The following NRG3 variants were observed in gnomAD, a reference collection of about 807,000 sequenced individuals.
The protein encoded by NRG3 is pro-neuregulin-3, membrane-bound isoform.
NRG3 carries 31 observed loss-of-function variants against 66.9 expected under a neutral mutation model. The ratio of observed to expected loss-of-function variants is 0.46; its 90% CI spans 0.35 to 0.63. NRG3 has a LOEUF of 0.63. Ranked by LOEUF, NRG3 falls within the 20% of genes least tolerant of loss-of-function variation. The probability of loss-of-function intolerance (pLI) is 0.00; values close to 1 mark genes in which losing one functional copy is unlikely to be tolerated. For missense variants in NRG3, 910 were observed against 878.9 expected, an observed-to-expected ratio of 1.04 and a Z score of -0.45; for synonymous variants, 393 against 359.4, an observed-to-expected ratio of 1.09 and a Z score of -1.06.
chr10:82,437,205 C>T (rs759035894), intron 2 of NRG3, among the ~76,000 whole-genome samples: 4 of 151,988 alleles, frequency 2.6e-5, no homozygotes, highest in Non-Finnish European at 5.9e-5. Flanking sequence ...TTCACATAGT[C>T]CCATATTTCT....
intron 3 of NRG3, among the ~76,000 whole-genome samples, chr10:82,790,944 AATT>A (rs1230977812): frequency 7.9e-5 from 12 of 151,602 alleles, no homozygotes; most frequent in Admixed American, 6.6e-4. Flanking sequence ...ATTTCTATAT[AATT>A]ATTAATATTC....
intron 8 of NRG3, chr10:82,984,657 G>T: frequency 2.2e-6 from 2 of 926,084 alleles, no homozygotes; most frequent in South Asian, 1.7e-5. Context: ...CAAGTCTACT[G>T]GACTAACCCA....
At chr10:82,038,227 A>G (rs2062878237) in intron 1 of NRG3, among the ~76,000 whole-genome samples, 1 of 152,164 alleles carries the variant, frequency 6.6e-6, no homozygotes, top group African/African-American at 2.4e-5. Context: ...TGAAAAATGT[A>G]AACCAAGCTT....
rs367579966 is a variant in NRG3 at position 82,460,753 on chromosome 10, G to T, written c.953+101885G>T. On this transcript the variant is annotated intron_variant, in intron 2 of 8. Coordinates refer to ENST00000372141, the MANE Select transcript of NRG3 (RefSeq NM_001010848.4). ...GCAGGGGGCCTGTTCTCAGGGGTCT[G>T]CAGTCCCTGTGTGACCCTGCTAGAG... Among the ~76,000 whole-genome samples the T allele has an allele frequency of 4.6e-5, 7 of 152,280 alleles. No individual in the cohort carries two copies. In the East Asian group the frequency reaches 1.4e-3, roughly 30 times the overall value.
chr10:82,159,771 G>A (rs2071443328), intron 1 of NRG3, among the ~76,000 whole-genome samples: 1 of 151,930 alleles, frequency 6.6e-6, no homozygotes, highest in Admixed American at 6.6e-5. Context: ...GAAGGTAAAT[G>A]TCCTGGGTTC....
chr10:82,244,350 G>GT (rs1370613037), intron 1 of NRG3, among the ~76,000 whole-genome samples: 1 of 152,152 alleles, frequency 6.6e-6, no homozygotes. Flanking sequence ...TCTGTAGATT[G>GT]TAAGAGAAAT....
chr10:82,035,379 T>G (rs1050522827), intron 1 of NRG3, among the ~76,000 whole-genome samples: 14 of 152,180 alleles, frequency 9.2e-5, no homozygotes, highest in African/African-American at 3.4e-4. Flanking sequence ...TGTTATTTTC[T>G]TCTTCACAGT....
At chr10:82,053,006 T>G (rs955690932) in intron 1 of NRG3, among the ~76,000 whole-genome samples, 1 of 151,734 alleles carries the variant, frequency 6.6e-6, no homozygotes, top group Non-Finnish European at 1.5e-5. Context: ...TTAATAAAAT[T>G]TATTAATTCA....
chr10:82,238,914 A>G (rs1278826054), intron 1 of NRG3, among the ~76,000 whole-genome samples: 1 of 146,446 alleles, frequency 6.8e-6, no homozygotes, highest in Non-Finnish European at 1.5e-5. Flanking sequence ...GTTATACCGT[A>G]TATATATATA....
intron 1 of NRG3, among the ~76,000 whole-genome samples, chr10:82,082,552 T>C (rs2065454965): frequency 6.6e-6 from 1 of 152,106 alleles, no homozygotes; most frequent in African/African-American, 2.4e-5. Flanking sequence ...AATATGACTC[T>C]GTGGATAGAG....
chr10:82,540,290 C>T (rs1366767131), intron 2 of NRG3, among the ~76,000 whole-genome samples: 7 of 151,978 alleles, frequency 4.6e-5, no homozygotes, highest in African/African-American at 1.4e-4. Context: ...TCCTGCCTGC[C>T]TGTCTGCCTT....
intron 1 of NRG3, among the ~76,000 whole-genome samples, chr10:82,105,818 A>G (rs2067026814): frequency 6.6e-6 from 1 of 152,228 alleles, no homozygotes; most frequent in Non-Finnish European, 1.5e-5. Flanking sequence ...AAACATTGAC[A>G]ATTAGGAAGA....
chr10:82,786,752 G>A (rs2060382381), intron 3 of NRG3, among the ~76,000 whole-genome samples: 1 of 152,180 alleles, frequency 6.6e-6, no homozygotes, highest in African/African-American at 2.4e-5. Context: ...ATGCAAAGGT[G>A]TTGAGAAAGG....
chr10:82,749,337 G>A (rs2058767298), intron 3 of NRG3, among the ~76,000 whole-genome samples: 1 of 152,072 alleles, frequency 6.6e-6, no homozygotes, highest in South Asian at 2.1e-4. Context: ...GGCACCTACA[G>A]CTGAGGTTGG....
intron 1 of NRG3, among the ~76,000 whole-genome samples, chr10:81,972,977 T>C (rs2059985361): frequency 6.6e-6 from 1 of 152,140 alleles, no homozygotes; most frequent in South Asian, 2.1e-4. Context: ...ATAGGTAAAC[T>C]TGTGTCATGG....
intron 3 of NRG3, among the ~76,000 whole-genome samples, chr10:82,782,184 T>A (rs2060144094): frequency 6.6e-6 from 1 of 152,152 alleles, no homozygotes. Context: ...GTTGAGGTTT[T>A]TAAAGAGATG....
chr10:82,852,998 G>T (rs2063635719), intron 3 of NRG3, among the ~76,000 whole-genome samples: 3 of 151,944 alleles, frequency 2.0e-5, no homozygotes, highest in Admixed American at 6.6e-5. Context: ...CTTTTTATTG[G>T]TGTAGTCACT....
chr10:82,470,669 C>T (rs928281929), intron 2 of NRG3, among the ~76,000 whole-genome samples: 14 of 152,218 alleles, frequency 9.2e-5, no homozygotes, highest in Non-Finnish European at 1.5e-4. Context: ...TGCTGTGTCT[C>T]AGTGACAAAC....
chr10:82,000,515 T>C (rs1402271224), intron 1 of NRG3, among the ~76,000 whole-genome samples: 1 of 152,166 alleles, frequency 6.6e-6, no homozygotes, highest in African/African-American at 2.4e-5. Flanking sequence ...TGTATCACCC[T>C]TAGCTCCTAT....
Sources: allele counts gnomAD v4.1 joint callset (sites outside exome capture counted in the v4.1 genomes callset), GRCh38; gene constraint gnomAD v4.1.1; transcripts MANE v1.5; gene names NCBI Gene and HGNC (gene_info 2026-07-23, HGNC 2026-07-21).